ARHGEF7: variants seen among roughly 807,000 people sequenced by gnomAD.
The protein encoded by ARHGEF7 is PAK-interacting exchange factor beta.
A neutral mutation model predicts 109.8 loss-of-function variants in ARHGEF7; 33 were observed. That is an observed-to-expected ratio of 0.30 (90% CI 0.23 to 0.40). The LOEUF is 0.40. Ranked by LOEUF, ARHGEF7 falls within the 10% of genes least tolerant of loss-of-function variation. ARHGEF7 has a pLI of 1.00. For missense variants in ARHGEF7, 938 were observed against 1,098.5 expected, an observed-to-expected ratio of 0.85 and a Z score of 2.07; for synonymous variants, 458 against 424.6, an observed-to-expected ratio of 1.08 and a Z score of -0.97.
chr13:111,149,138 G>A (rs566169580), intron 1 of ARHGEF7, among the ~76,000 whole-genome samples: 7 of 151,960 alleles, frequency 4.6e-5, no homozygotes, highest in African/African-American at 1.4e-4. Context: ...GTCCGGGTGC[G>A]ATGGCTCACG....
intron 8 of ARHGEF7, among the ~76,000 whole-genome samples, chr13:111,262,145 T>C (rs929326684): frequency 6.6e-6 from 1 of 152,118 alleles, no homozygotes; most frequent in Non-Finnish European, 1.5e-5. Context: ...TTACAAAAGA[T>C]CGATGAAACC....
At chr13:111,152,913 T>C (rs1330300555) in intron 1 of ARHGEF7, among the ~76,000 whole-genome samples, 1 of 152,272 alleles carries the variant, frequency 6.6e-6, no homozygotes, top group African/African-American at 2.4e-5. Flanking sequence ...TTACATGTGT[T>C]GCTGGTGGCC....
intron 18 of ARHGEF7, among the ~76,000 whole-genome samples, chr13:111,291,787 G>T (rs936691845): frequency 1.3e-5 from 2 of 152,166 alleles, no homozygotes; most frequent in Non-Finnish European, 2.9e-5. Context: ...TAATCTTTTG[G>T]ACATGGGTGT....
At chr13:111,221,505 ATATATATAGATATATATCTATATATATC>A (rs778036155) in intron 5 of ARHGEF7, among the ~76,000 whole-genome samples, 6,207 of 73,856 alleles carry the variant, frequency 0.084, 509 homozygotes, top group Middle Eastern at 0.11. Flanking sequence ...ATATATATCT[ATATATATAGATATATATCTATATATATC>A]TATATATAGA....
intron 3 of ARHGEF7, 99 bp from the exon 4 acceptor site, chr13:111,209,773 T>C: frequency 7.2e-7 from 1 of 1,382,900 alleles, no homozygotes; most frequent in African/African-American, 1.4e-5. Flanking sequence ...TTTTGGTGTG[T>C]CCCTCTGTGC....
chr13:111,241,000 A>G (rs1566933800), intron 6 of ARHGEF7: 12 of 688,358 alleles, frequency 1.7e-5, no homozygotes, highest in East Asian at 1.3e-4. Flanking sequence ...TAATGATGCA[A>G]CGAATAAAGT....
At chr13:111,301,557 CT>C (rs574227500) in intron 21 of ARHGEF7, 25 bp downstream of exon 21, 28 of 1,557,034 alleles carry the variant, frequency 1.8e-5, no homozygotes, top group South Asian at 3.4e-5. Flanking sequence ...ATCTTTAAAT[CT>C]TTTTTTTCTT....
At chr13:111,117,842 G>A (rs1047310356) in intron 1 of ARHGEF7, among the ~76,000 whole-genome samples, 1 of 152,174 alleles carries the variant, frequency 6.6e-6, no homozygotes, top group Admixed American at 6.5e-5. Flanking sequence ...GATTACAGGC[G>A]TGAGCCACCA....
At chr13:111,287,803 G>A (rs2093086179) in intron 17 of ARHGEF7, among the ~76,000 whole-genome samples, 1 of 152,248 alleles carries the variant, frequency 6.6e-6, no homozygotes, top group Admixed American at 6.5e-5. Flanking sequence ...CTGAGCAGCA[G>A]GCAGCCAGAG....
In ARHGEF7 at chr13:111,115,576, T is replaced by G; in HGVS notation, c.50T>G (p.Leu17Arg). Reference sequence around the variant, plus strand: ...ACGTGGCTCATCACTCTGGGGGTGCTGGAGTCGCCCAAAAAAACCATCTCG... The same window carrying G: ...ACGTGGCTCATCACTCTGGGGGTGCGGGAGTCGCCCAAAAAAACCATCTCG... The part of the protein sequence containing the change: ...TVTWLITLGV[L>R]ESPKKTISDP... The change falls in exon 1 of 22, where the codon CTG (leucine) becomes CGG (arginine). Residue 17 changes from leucine to arginine, a missense_variant. Physicochemically the swap from Leu to Arg is moderately radical, Grantham distance 102 (BLOSUM62 -2). Coordinates refer to ENST00000646102, the MANE Select transcript of ARHGEF7 (RefSeq NM_001354046.2). The G allele has an allele frequency of 7.0e-7, 1 of 1,418,686 alleles. No individual in the cohort carries two copies. The highest frequency in any genetic ancestry group is 1.3e-5 in the South Asian group (1 of 74,992). The allele number at this position is 1,418,686 out of a possible 1,614,324, so 87.9% of individuals were successfully genotyped here.
Position 111,130,743 on chromosome 13 carries a change from C to T in ARHGEF7, c.165+15052C>T, listed in dbSNP as rs373773678. 6.1e-4 allele frequency among the ~76,000 whole-genome samples: 93 copies of T among 152,344 alleles called. 1 individual carries two copies. In the South Asian group the frequency reaches 0.019, roughly 31 times the overall value. On this transcript the variant is annotated intron_variant, in intron 1 of 21. Transcript: ENST00000646102. ...AAGGCAAGAGACAGATTTCCAAACA[C>T]GCAGCAGAAGAAACTATGCCCCTTG...
rs921001238 is a variant in ARHGEF7 at position 111,266,258 on chromosome 13, G to GCT, written c.951-1289_951-1288dup. On this transcript the variant is annotated intron_variant, in intron 8 of 21. Coordinates refer to ENST00000646102, the MANE Select transcript of ARHGEF7 (RefSeq NM_001354046.2). The surrounding 1 kb of genome is among the most constrained non-coding windows in gnomAD (Gnocchi z 4.8). ...GGGCTCTGGTGCTGAGGAGCCCCAT[G>GCT]CTGTTCCTCATTCTCGGTGTGAACA... Among the ~76,000 whole-genome samples, 10 of 152,036 alleles carry GCT rather than the reference G, an allele frequency of 6.6e-5. No individual in the cohort carries two copies. The highest frequency in any genetic ancestry group is 1.5e-4 in the Non-Finnish European group (10 of 68,012).
intron 1 of ARHGEF7, among the ~76,000 whole-genome samples, chr13:111,141,084 T>G (rs2153357612): frequency 6.6e-6 from 1 of 152,294 alleles, no homozygotes; most frequent in African/African-American, 2.4e-5. Context: ...CCCACCCACT[T>G]TCCCCCATTA....
chr13:111,217,697 A>G lies in ARHGEF7; in HGVS notation c.487A>G (p.Asn163Asp), dbSNP rs1403279395. The change falls in exon 5 of 22, where the codon AAC becomes GAC. Residue 163 changes from asparagine to aspartate, a missense_variant. This residue lies in a region of ARHGEF7 where 585 missense variants were observed against 723.6 expected (regional missense o/e 0.81). Coordinates refer to ENST00000646102, the MANE Select transcript of ARHGEF7 (RefSeq NM_001354046.2). ...CTTTTAGGACATGACCGATAATAGC[A>G]ACAATCAACTGGTAGTAAGAGCAAA... Reference protein sequence around the residue: ...YRSLDMTDNSNNQLVVRAKFN... With the variant: ...YRSLDMTDNSDNQLVVRAKFN... The G allele has an allele frequency of 3.1e-6, 5 of 1,614,074 alleles. No individual in the cohort carries two copies. Among genetic ancestry groups the G allele is most frequent in the Non-Finnish European group, 4.2e-6 (5 of 1,179,986 alleles).
intron 13 of ARHGEF7, 108 bp from the exon 14 acceptor site, chr13:111,280,164 C>A: frequency 8.5e-7 from 1 of 1,173,884 alleles, no homozygotes; most frequent in Non-Finnish European, 1.2e-6. Context: ...TTCACAAACA[C>A]AGTTCCTCCA....
intron 15 of ARHGEF7, chr13:111,280,911 G>C (rs2092740461): frequency 1.3e-5 from 5 of 377,268 alleles, no homozygotes; most frequent in East Asian, 4.2e-5. Flanking sequence ...GCACAGTTCA[G>C]AGGTGCTTGG....
chr13:111,284,784 G>A (rs1358679040), intron 16 of ARHGEF7, among the ~76,000 whole-genome samples: 1 of 152,178 alleles, frequency 6.6e-6, no homozygotes, highest in Non-Finnish European at 1.5e-5. Context: ...ATGGAGGCTC[G>A]TGGAGGCCGC....
intron 2 of ARHGEF7, among the ~76,000 whole-genome samples, chr13:111,174,668 C>T (rs2077945927): frequency 6.6e-6 from 1 of 152,212 alleles, no homozygotes; most frequent in African/African-American, 2.4e-5. Context: ...TGGAGGGCCA[C>T]TTTGCTCCAG....
chr13:111,299,639 G>A (rs1012295376), intron 19 of ARHGEF7, among the ~76,000 whole-genome samples: 4 of 152,194 alleles, frequency 2.6e-5, no homozygotes, highest in Admixed American at 6.5e-5. Flanking sequence ...ACGGCACCCG[G>A]CTGAAGCCAT....
Sources: gnomAD v4.1 joint callset for allele counts (sites outside exome capture counted in the v4.1 genomes callset) on GRCh38, gnomAD v4.1.1 for gene constraint, gnomAD v4.1.1 regional missense constraint, Gnocchi (gnomAD v3.1) non-coding constraint, MANE v1.5 for transcripts, NCBI Gene and HGNC (gene_info 2026-07-23, HGNC 2026-07-21) for gene names.